The following CSMD1 variants were observed in gnomAD, a reference collection of about 807,000 sequenced individuals.
CSMD1 encodes CUB and sushi domain-containing protein 1.
CSMD1 carries 213 observed loss-of-function variants against 417.5 expected under a neutral mutation model. The ratio of observed to expected loss-of-function variants is 0.51; its 90% CI spans 0.46 to 0.57. The LOEUF is 0.57. Ranked by LOEUF, CSMD1 falls within the 20% of genes least tolerant of loss-of-function variation. The pLI, the probability that CSMD1 is intolerant of heterozygous loss-of-function variation, is 0.00. For missense variants in CSMD1, 6,923 were observed against 4,529.7 expected (o/e 1.53, Z -15.17); for synonymous variants, 2,862 against 1,736.8 (o/e 1.65, Z -16.11).
At position 4,921,944 on chromosome 8, in the gene CSMD1, GT is replaced by G. The variant is rs754952219; in HGVS notation, c.85+72387del. ...GCCTTCTGAACGTACCCTCACATCT[GT>G]TTGGAATACTTGCCCTCTTCACTCA... is the stretch of plus-strand genomic sequence containing the variant. On this transcript the variant is annotated intron_variant, in intron 1 of 69. Coordinates refer to ENST00000635120, the MANE Select transcript of CSMD1 (RefSeq NM_033225.6). Among the ~76,000 whole-genome samples, 386 of 152,268 alleles carry G rather than the reference GT, an allele frequency of 2.5e-3. 2 individuals are homozygous for G. The highest frequency in any genetic ancestry group is 6.8e-3 in the Middle Eastern group (2 of 294).
In CSMD1 at chr8:2,978,692, T is replaced by C. The variant is rs778810260; in HGVS notation, c.8486A>G (p.Lys2829Arg). Residue 2829 changes from lysine (K) to arginine (R), a missense_variant, in exon 55 of 70, where the codon AAG (lysine) becomes AGG (arginine). Lys to Arg is a conservative substitution (Grantham distance 26, BLOSUM62 2). Transcript: ENST00000635120. The part of the protein sequence containing the change: ...YGMSILYHCK[K>R]GFYLLGSSAL... The stretch of plus-strand genomic sequence containing the variant: ...TGAAGATCCCAGCAAGTAAAATCCC[T>C]TCTTGCAATGGTACAGGATACTCAT... 6 of 1,612,126 alleles carry C rather than the reference T, an allele frequency of 3.7e-6. No individual in the cohort carries two copies. In the African/African-American group the frequency reaches 8.0e-5, roughly 22 times the overall value.
At chr8:3,613,263 C>T (rs375568413) in intron 8 of CSMD1, 26 of 419,780 alleles carry the variant, frequency 6.2e-5, no homozygotes, top group African/African-American at 1.9e-4. Context: ...AAATTCAATC[C>T]GTAATTAAAA....
At chr8:3,493,256 T>G (rs952293377) in intron 11 of CSMD1, among the ~76,000 whole-genome samples, 1 of 135,462 alleles carries the variant, frequency 7.4e-6, no homozygotes, top group South Asian at 2.4e-4. Context: ...ATCTGACCAC[T>G]GCACTGCAGC....
At chr8:3,079,198 T>A (rs1813906139) in intron 49 of CSMD1, among the ~76,000 whole-genome samples, 1 of 152,152 alleles carries the variant, frequency 6.6e-6, no homozygotes, top group Non-Finnish European at 1.5e-5. Context: ...AAACCTCATT[T>A]TACAATATAC....
In CSMD1 at chr8:2,955,509, C is replaced by A. The variant is rs1213521345; in HGVS notation, c.9994+80G>T. The A allele has an allele frequency of 2.1e-6, 3 of 1,412,246 alleles. No homozygotes were observed. In the East Asian group the frequency reaches 6.9e-5, roughly 32 times the overall value. 87.5% of individuals were successfully genotyped at this position (1,412,246 alleles called of 1,614,324 possible). ...CATGCTCTTACTTATGGGTCTCACA[C>A]GTGGACACTAGCCTGATGGGCAGCT... On this transcript the variant is annotated intron_variant, in intron 64 of 69. Coordinates refer to ENST00000635120, the MANE Select transcript of CSMD1 (RefSeq NM_033225.6).
chr8:4,516,119 G>C (rs1390164438), intron 2 of CSMD1, among the ~76,000 whole-genome samples: 1 of 152,100 alleles, frequency 6.6e-6, no homozygotes, highest in African/African-American at 2.4e-5. Flanking sequence ...GTTCTTTAGA[G>C]AGTAATTAAG....
chr8:4,100,061 G>A (rs1011042565), intron 3 of CSMD1, among the ~76,000 whole-genome samples: 2 of 152,068 alleles, frequency 1.3e-5, no homozygotes, highest in African/African-American at 4.8e-5. Context: ...ATGCACTTTA[G>A]AATCCAAGAA....
chr8:4,822,444 C>T (rs1369366959), intron 1 of CSMD1, among the ~76,000 whole-genome samples: 2 of 151,862 alleles, frequency 1.3e-5, no homozygotes, highest in Non-Finnish European at 2.9e-5. Flanking sequence ...AAGAGGATTC[C>T]AAAAAATGTA....
intron 2 of CSMD1, among the ~76,000 whole-genome samples, chr8:4,470,995 A>G (rs773529119): frequency 1.3e-5 from 2 of 152,356 alleles, no homozygotes; most frequent in East Asian, 1.9e-4. Flanking sequence ...TGAGCATTAC[A>G]TACTTTTTAT....
intron 20 of CSMD1, among the ~76,000 whole-genome samples, chr8:3,361,848 T>C (rs541721514): frequency 1.3e-5 from 2 of 152,260 alleles, no homozygotes; most frequent in South Asian, 2.1e-4. Flanking sequence ...ACAGAAAGCC[T>C]GAAACAACAC....
At chr8:4,914,217 C>A (rs1344632525) in intron 1 of CSMD1, among the ~76,000 whole-genome samples, 1 of 152,118 alleles carries the variant, frequency 6.6e-6, no homozygotes, top group Non-Finnish European at 1.5e-5. Flanking sequence ...GCAATCATTT[C>A]TGTTACAAAG....
intron 3 of CSMD1, among the ~76,000 whole-genome samples, chr8:4,205,172 T>G (rs1452292520): frequency 1.3e-5 from 2 of 152,204 alleles, no homozygotes; most frequent in Middle Eastern, 3.2e-3. Context: ...GAAAACTGGG[T>G]GAAGAAACAT....
intron 3 of CSMD1, among the ~76,000 whole-genome samples, chr8:4,078,017 C>G (rs1169484611): frequency 2.6e-5 from 4 of 152,046 alleles, no homozygotes; most frequent in African/African-American, 9.7e-5. Context: ...AAAAATAGCG[C>G]TATTTCAAGA....
At chr8:4,456,132 T>A (rs1006687823) in intron 2 of CSMD1, among the ~76,000 whole-genome samples, 2 of 149,338 alleles carry the variant, frequency 1.3e-5, no homozygotes, top group Non-Finnish European at 3.0e-5. Context: ...TTATGCCAAA[T>A]GCTGAGAGGG....
chr8:4,131,494 C>T (rs564145496), intron 3 of CSMD1, among the ~76,000 whole-genome samples: 1 of 152,034 alleles, frequency 6.6e-6, no homozygotes, highest in Non-Finnish European at 1.5e-5. Context: ...AAATATTTTC[C>T]CCTTGGATAT....
At chr8:4,308,745 C>A (rs1285410524) in intron 3 of CSMD1, among the ~76,000 whole-genome samples, 2 of 152,170 alleles carry the variant, frequency 1.3e-5, no homozygotes, top group Non-Finnish European at 2.9e-5. Flanking sequence ...ATGTGTAAGA[C>A]TGGCTGTTTG....
At chr8:4,605,455 T>C (rs1800816029) in intron 2 of CSMD1, among the ~76,000 whole-genome samples, 1 of 152,194 alleles carries the variant, frequency 6.6e-6, no homozygotes, top group Non-Finnish European at 1.5e-5. Flanking sequence ...AGAATTATCC[T>C]GATTATGATG....
At chr8:4,824,369 G>A (rs372018014) in intron 1 of CSMD1, among the ~76,000 whole-genome samples, 1 of 152,090 alleles carries the variant, frequency 6.6e-6, no homozygotes, top group Non-Finnish European at 1.5e-5. Context: ...GATATGCAGA[G>A]TTTTAATTTA....
At chr8:4,641,557 G>A (rs1045134426) in intron 1 of CSMD1, among the ~76,000 whole-genome samples, 4 of 152,222 alleles carry the variant, frequency 2.6e-5, no homozygotes, top group Admixed American at 6.5e-5. Flanking sequence ...AAGGATGGAA[G>A]AACAAGTGAA....
Sources: allele counts gnomAD v4.1 joint callset (sites outside exome capture counted in the v4.1 genomes callset), GRCh38; gene constraint gnomAD v4.1.1; transcripts MANE v1.5; gene names NCBI Gene and HGNC (gene_info 2026-07-23, HGNC 2026-07-21).